TESK2: variants seen among roughly 807,000 people sequenced by gnomAD.
TESK2 encodes dual specificity testis-specific protein kinase 2.
In TESK2, 39 loss-of-function variants were observed where a neutral mutation model predicts 57.1. The ratio of observed to expected loss-of-function variants is 0.68; its 90% confidence interval spans 0.53 to 0.89. The LOEUF is 0.89. Ranked by LOEUF, TESK2 falls within the 40% of genes least tolerant of loss-of-function variation. TESK2 has a pLI of 0.00. For synonymous variants in TESK2, 249 were observed against 267.9 expected (o/e 0.93, Z 0.69); for missense variants, 646 against 732.1 (o/e 0.88, Z 1.36).
At chr1:45,449,368 C>T (rs1353194100) in intron 2 of TESK2, among the ~76,000 whole-genome samples, 2 of 151,968 alleles carry the variant, frequency 1.3e-5, no homozygotes, top group Admixed American at 1.3e-4. Flanking sequence ...GAACTGAAAA[C>T]TTATGTCCAC....
chr1:45,456,567 A>C (rs2149299620), intron 2 of TESK2, among the ~76,000 whole-genome samples: 1 of 152,228 alleles, frequency 6.6e-6, no homozygotes, highest in Non-Finnish European at 1.5e-5. Flanking sequence ...CAGAGCCAAA[A>C]TATTTGGGTT....
In TESK2 at chr1:45,421,752, T is replaced by C. The variant is rs766404095; in HGVS notation, c.317A>G (p.Asn106Ser). The change falls in exon 3 of 11, where the codon AAT (asparagine) becomes AGT (serine). Residue 106 changes from asparagine to serine, a missense_variant. By Grantham distance (46) the Asn-to-Ser change is conservative. Coordinates refer to ENST00000372086, the MANE Select transcript of TESK2 (RefSeq NM_007170.3). The stretch of plus-strand genomic sequence containing the variant: ...AAGGATGTTGGGATGGGAGAGTCTA[T>C]TCATGAGCTGTACTTCTTTCAGCAT... ...ANMLKEVQLMNRLSHPNILRF... is the reference protein window; with the variant it reads ...ANMLKEVQLMSRLSHPNILRF... 2 of 1,614,136 alleles carry C rather than the reference T, an allele frequency of 1.2e-6. 1 individual carries two copies. Among genetic ancestry groups the C allele is most frequent in the South Asian group, 2.2e-5 (2 of 91,086 alleles).
chr1:45,465,766 G>A (rs148343826), intron 1 of TESK2, among the ~76,000 whole-genome samples: 3 of 152,128 alleles, frequency 2.0e-5, no homozygotes, highest in Admixed American at 6.5e-5. Context: ...TGTAATCAGC[G>A]GAAAGAAAGG....
chr1:45,470,367 G>A (rs760475900), intron 1 of TESK2, among the ~76,000 whole-genome samples: 4 of 152,146 alleles, frequency 2.6e-5, no homozygotes, highest in Non-Finnish European at 5.9e-5. Flanking sequence ...ATACAGACAC[G>A]TTTCAGGATG....
At chr1:45,455,691 G>T (rs1475201496) in intron 2 of TESK2, among the ~76,000 whole-genome samples, 1 of 152,152 alleles carries the variant, frequency 6.6e-6, no homozygotes, top group Non-Finnish European at 1.5e-5. Context: ...GTACAACATT[G>T]TAAATGTAAT....
rs367995087 is a variant in TESK2 at position 45,345,457 on chromosome 1, T to C, written c.1099A>G (p.Ser367Gly). Reference sequence around the variant, plus strand: ...TTACGGGAAAAGATATCTGACTGGCTTCGAGACAGCCAGATGGTACGTCTT... The same window carrying C: ...TTACGGGAAAAGATATCTGACTGGCCTCGAGACAGCCAGATGGTACGTCTT... ...CPRRTIWLSR[S>G]QSDIFSRKPP... The change falls in exon 11 of 11, where the codon AGC becomes GGC. Residue 367 changes from serine (S) to glycine (G), a missense_variant. Transcript: ENST00000372086. The C allele has an allele frequency of 9.9e-6, 16 of 1,614,128 alleles. No individual in the cohort carries two copies. Among genetic ancestry groups the C allele is most frequent in the Admixed American group, 6.7e-5 (4 of 60,004 alleles).
chr1:45,345,516 A>C lies in TESK2; in HGVS notation c.1040T>G (p.Leu347Arg). The C allele has an allele frequency of 1.2e-6, 2 of 1,614,154 alleles. No individual in the cohort carries two copies. Among genetic ancestry groups the C allele is most frequent in the Non-Finnish European group, 1.7e-6 (2 of 1,180,022 alleles). ...KAPGVKRLSSLDDKIPHKSPC... is the reference protein window; with the variant it reads ...KAPGVKRLSSRDDKIPHKSPC... The stretch of plus-strand genomic sequence containing the variant: ...TGACTTGTGGGGGATCTTGTCATCC[A>C]GTGAGCTTAGTCGCTTCACCCCAGG... Residue 347 changes from leucine (L) to arginine (R), a missense_variant, in exon 11 of 11, where the codon CTG becomes CGG. Transcript: ENST00000372086.
chr1:45,375,819 C>T (rs1648399013), intron 4 of TESK2, among the ~76,000 whole-genome samples: 1 of 152,104 alleles, frequency 6.6e-6, no homozygotes, highest in South Asian at 2.1e-4. Context: ...ATTCCCAGTA[C>T]CTGGAATAGT....
chr1:45,485,845 T>C (rs1004067381), intron 1 of TESK2, among the ~76,000 whole-genome samples: 2 of 152,110 alleles, frequency 1.3e-5, no homozygotes, highest in Non-Finnish European at 2.9e-5. Context: ...TAAAAAAGTT[T>C]ACATTTAATA....
intron 1 of TESK2, among the ~76,000 whole-genome samples, chr1:45,484,104 C>CTT (rs533666070): frequency 1.8e-4 from 15 of 84,834 alleles, no homozygotes; most frequent in South Asian, 4.0e-4. Flanking sequence ...TTTAATTCTT[C>CTT]TTTTTTTTTT....
intron 3 of TESK2, among the ~76,000 whole-genome samples, chr1:45,392,594 G>A (rs1378712742): frequency 2.6e-5 from 4 of 152,082 alleles, no homozygotes; most frequent in Non-Finnish European, 4.4e-5. Context: ...CCAGATACTC[G>A]GGAGGCTGAG....
intron 2 of TESK2, among the ~76,000 whole-genome samples, chr1:45,451,302 A>G (rs1651860257): frequency 6.6e-6 from 1 of 152,188 alleles, no homozygotes; most frequent in Non-Finnish European, 1.5e-5. Flanking sequence ...TGCCCTTTTC[A>G]TGCTGTGTTT....
At chr1:45,347,235 G>A (rs1175947026) in intron 7 of TESK2, among the ~76,000 whole-genome samples, 173 bp from the exon 8 acceptor site, 1 of 151,978 alleles carries the variant, frequency 6.6e-6, no homozygotes, top group East Asian at 1.9e-4. Context: ...CACTGCTCTT[G>A]GTAGGAACAT....
chr1:45,472,947 G>A (rs1281100453), intron 1 of TESK2, among the ~76,000 whole-genome samples: 2 of 149,950 alleles, frequency 1.3e-5, no homozygotes, highest in Non-Finnish European at 3.0e-5. Context: ...ATCATCCTGG[G>A]TAATACGGTG....
At chr1:45,383,662 A>T (rs997259848) in intron 4 of TESK2, among the ~76,000 whole-genome samples, 16 of 152,208 alleles carry the variant, frequency 1.1e-4, no homozygotes, top group Non-Finnish European at 2.4e-4. Flanking sequence ...GGCAAAATTA[A>T]CACACCAGCC....
intron 1 of TESK2, among the ~76,000 whole-genome samples, chr1:45,469,354 G>T (rs140606839): frequency 3.9e-5 from 6 of 152,104 alleles, no homozygotes; most frequent in Admixed American, 3.9e-4. Context: ...TACAGACCAC[G>T]CATTCTACCA....
chr1:45,469,788 T>TA (rs913439505), intron 1 of TESK2, among the ~76,000 whole-genome samples: 1 of 152,140 alleles, frequency 6.6e-6, no homozygotes, highest in Non-Finnish European at 1.5e-5. Flanking sequence ...ACAGGGAAAA[T>TA]ATGCCAAATC....
At chr1:45,374,093 T>G (rs1453536394) in intron 4 of TESK2, among the ~76,000 whole-genome samples, 5 of 152,182 alleles carry the variant, frequency 3.3e-5, no homozygotes, top group Admixed American at 2.0e-4. Context: ...CTGAAGAACT[T>G]TCTAAATCCT....
At chr1:45,413,062 A>G (rs1490530653) in intron 3 of TESK2, among the ~76,000 whole-genome samples, 1 of 152,158 alleles carries the variant, frequency 6.6e-6, no homozygotes, top group Non-Finnish European at 1.5e-5. Context: ...TGGGGAGTGG[A>G]AGTGAGTGGG....
Sources: gnomAD v4.1 joint callset for allele counts (sites outside exome capture counted in the v4.1 genomes callset) on GRCh38, gnomAD v4.1.1 for gene constraint, MANE v1.5 for transcripts, NCBI Gene and HGNC (gene_info 2026-07-23, HGNC 2026-07-21) for gene names.